The following IPO5 variants were observed in gnomAD, a reference collection of about 807,000 sequenced individuals.
IPO5 encodes the protein importin-5.
In IPO5, 18 loss-of-function variants were observed where a neutral mutation model predicts 143.3. The observed-to-expected ratio is 0.13, with a 90% CI of 0.09 to 0.19. The LOEUF (loss-of-function observed/expected upper bound fraction) is 0.19. Ranked by LOEUF, IPO5 falls within the 10% of genes least tolerant of loss-of-function variation. The pLI is 1.00. For missense variants in IPO5, 1,013 were observed against 1,336.9 expected (o/e 0.76, Z 3.78); for synonymous variants, 477 against 465.7 (o/e 1.02, Z -0.31).
At chr13:97,983,372 G>T (rs1230862725) in intron 5 of IPO5, among the ~76,000 whole-genome samples, 1 of 152,036 alleles carries the variant, frequency 6.6e-6, no homozygotes, top group East Asian at 1.9e-4. Context: ...ACATTTTCTA[G>T]AATATTTTAT....
chr13:97,986,505 G>C (rs1270814270), intron 6 of IPO5, among the ~76,000 whole-genome samples: 1 of 152,014 alleles, frequency 6.6e-6, no homozygotes, highest in East Asian at 1.9e-4. Context: ...ACAGGCATGC[G>C]CCACCACACC....
intron 28 of IPO5, chr13:98,021,408 GAAAA>G (rs889258157): frequency 3.0e-6 from 1 of 335,606 alleles, no homozygotes. Flanking sequence ...CCTATCTTAA[GAAAA>G]AAAAACAAGA....
chr13:97,985,679 A>AG (rs1887279626), intron 6 of IPO5, 66 bp downstream of exon 6: 1 of 834,232 alleles, frequency 1.2e-6, no homozygotes, highest in Non-Finnish European at 2.0e-6. Flanking sequence ...TTTTTTTTTA[A>AG]TGGAATCTTT....
chr13:98,006,003 T>G, intron 16 of IPO5, 127 bp from the exon 17 acceptor site: 1 of 662,298 alleles, frequency 1.5e-6, no homozygotes, highest in Non-Finnish European at 2.7e-6. Flanking sequence ...CAGTCTCTGC[T>G]TCTGGAGAGG....
chr13:98,000,743 C>CT (rs1335563154), intron 13 of IPO5, 98 bp downstream of exon 13: 12 of 767,784 alleles, frequency 1.6e-5, no homozygotes, highest in African/African-American at 3.4e-5. Flanking sequence ...TAATCTTTGT[C>CT]TTTTTATCAT....
intron 12 of IPO5, among the ~76,000 whole-genome samples, chr13:98,000,075 G>A (rs573893846): frequency 1.9e-4 from 29 of 152,242 alleles, no homozygotes; most frequent in Non-Finnish European, 3.4e-4. Flanking sequence ...ACAAAGTCAG[G>A]AGATCAAGAC....
chr13:97,962,980 G>A (rs1885013461), intron 2 of IPO5, among the ~76,000 whole-genome samples: 1 of 152,202 alleles, frequency 6.6e-6, no homozygotes, highest in Admixed American at 6.6e-5. Flanking sequence ...CAAACCAGCA[G>A]GTGGAGATTC....
At chr13:97,973,038 CTTTTTTTTT>C (rs34572861) in intron 3 of IPO5, among the ~76,000 whole-genome samples, 2 of 76,332 alleles carry the variant, frequency 2.6e-5, no homozygotes, top group East Asian at 4.0e-4. Flanking sequence ...CTTTTATCTT[CTTTTTTTTT>C]TTTTTTTTTT....
rs188443458 is a variant in IPO5, at chr13:98,010,038, C to T, written c.1933+25C>T. On this transcript the variant is annotated intron_variant, in intron 19 of 28. Coordinates refer to ENST00000651721, the MANE Select transcript of IPO5 (RefSeq NM_002271.6). ...AGTAGGTGTCTTTAGAAGGAGCTAT[C>T]GGTTATAATAGTTCTCTCTTTGTTA... is the stretch of plus-strand genomic sequence containing the variant. 134 of 1,613,368 alleles carry T rather than the reference C, an allele frequency of 8.3e-5. No individual in the cohort carries two copies. The African/African-American group carries it at 1.5e-3, about 18-fold the overall frequency.
At chr13:97,975,966 G>T (rs1886253377) in intron 3 of IPO5, 2 of 985,654 alleles carry the variant, frequency 2.0e-6, no homozygotes, top group Non-Finnish European at 2.4e-6. Context: ...GGAGGTCGGA[G>T]GGTCTGAAAG....
chr13:97,983,902 AC>A (rs1335906294), intron 5 of IPO5, among the ~76,000 whole-genome samples: 3 of 148,268 alleles, frequency 2.0e-5, no homozygotes, highest in Non-Finnish European at 4.4e-5. Flanking sequence ...TGCTTTTGTA[AC>A]CTGTTCTTTT....
At chr13:97,985,027 G>C (rs907635679) in intron 5 of IPO5, among the ~76,000 whole-genome samples, 21 of 152,202 alleles carry the variant, frequency 1.4e-4, no homozygotes, top group African/African-American at 4.8e-4. Context: ...GTCAGGCTGG[G>C]AGCCTAAGGT....
At position 97,976,723 on chromosome 13, in the gene IPO5, A is replaced by G. The variant is rs778493571; in HGVS notation, c.27A>G (p.Gln9=). The G allele has an allele frequency of 2.2e-5, 31 of 1,407,118 alleles. No individual in the cohort carries two copies. Among genetic ancestry groups the G allele is most frequent in the Admixed American group, 4.1e-5 (2 of 48,716 alleles). The allele number at this position is 1,407,118 out of a possible 1,614,324, so 87.2% of individuals were successfully genotyped here. ...TGGCGGCGGCCGCGGCGGAGCAGCA[A>G]CAGTTCTACCTGCTCCTGGGAAACC... MAAAAAEQ[Q]QFYLLLGNLL... The change falls in exon 4 of 29, where the codon CAA becomes CAG. Residue 9 remains glutamine, a synonymous_variant. Coordinates refer to ENST00000651721, the MANE Select transcript of IPO5 (RefSeq NM_002271.6).
Position 98,006,255 on chromosome 13 carries a change from C to A in IPO5, c.1623C>A (p.Ile541=), listed in dbSNP as rs148706100. Residue 541 remains isoleucine, a synonymous_variant, in exon 17 of 29, where the codon ATC becomes ATA. Transcript: ENST00000651721. ...TATTTATGCCATCACTGAAGCACAT[C>A]GTTGAGAATGCGGTTCAAAAAGAAC... ...YDLFMPSLKH[I]VENAVQKELR... is the part of the protein sequence containing the mutation. The A allele has an allele frequency of 6.2e-7, 1 of 1,608,806 alleles. No individual in the cohort carries two copies. The highest frequency in any genetic ancestry group is 1.1e-5 in the South Asian group (1 of 90,974).
At chr13:98,015,818 C>G (rs371603237) in intron 24 of IPO5, 37 bp downstream of exon 24, 1 of 1,377,958 alleles carries the variant, frequency 7.3e-7, no homozygotes, top group African/African-American at 1.5e-5. Context: ...TACGTGACCA[C>G]TTGCATCTGA....
Position 98,009,866 on chromosome 13 carries a change from A to G in IPO5, c.1801-15A>G, listed in dbSNP as rs765935577. 1 of 1,553,134 alleles carries G rather than the reference A, an allele frequency of 6.4e-7. No homozygotes were observed. Among genetic ancestry groups the G allele is most frequent in the South Asian group, 1.2e-5 (1 of 83,960 alleles). On this transcript the variant is annotated splice_polypyrimidine_tract_variant and intron_variant, in intron 18 of 28. Coordinates refer to ENST00000651721, the MANE Select transcript of IPO5 (RefSeq NM_002271.6). The stretch of plus-strand genomic sequence containing the variant: ...TTGTTTTTTAATCTATTTTAATTTT[A>G]AAATTTTTCCCCAGATCTCTTACAT...
chr13:98,008,257 C>A, intron 18 of IPO5, 115 bp downstream of exon 18: 1 of 606,892 alleles, frequency 1.6e-6, no homozygotes. Flanking sequence ...TCAACCCCTG[C>A]TAGCAGAGAC....
At chr13:97,987,724 A>T (rs1887489455) in intron 6 of IPO5, among the ~76,000 whole-genome samples, 1 of 152,148 alleles carries the variant, frequency 6.6e-6, no homozygotes, top group Non-Finnish European at 1.5e-5. Context: ...CCTGGTCTCA[A>T]ATGCCTGACC....
At chr13:97,975,681 A>G (rs778030924) in intron 3 of IPO5, 4 of 152,262 alleles carry the variant, frequency 2.6e-5, no homozygotes, top group Middle Eastern at 3.2e-3. Flanking sequence ...CAGCCCTGTA[A>G]ACCAGGGCTC....
Sources: allele counts gnomAD v4.1 joint callset (sites outside exome capture counted in the v4.1 genomes callset), GRCh38; gene constraint gnomAD v4.1.1; transcripts MANE v1.5; gene names NCBI Gene and HGNC (gene_info 2026-07-23, HGNC 2026-07-21).